Variants in DNAJC5B observed in about 807,000 individuals in gnomAD.
DNAJC5B encodes DnaJ heat shock protein family (Hsp40) member C5 beta, also known as dnaJ homolog subfamily C member 5B.
A neutral mutation model predicts 24.7 loss-of-function variants in DNAJC5B; 23 were observed. That is an observed-to-expected ratio of 0.93 (90% confidence interval 0.67 to 1.32). The LOEUF is 1.32. Ranked by LOEUF, DNAJC5B falls within the 40% of genes most tolerant of loss-of-function variation. The pLI, the probability that DNAJC5B is intolerant of heterozygous loss-of-function variation, is 0.00. For missense variants in DNAJC5B, 238 were observed against 240.8 expected, an observed-to-expected ratio of 0.99 and a Z score of 0.08; for synonymous variants, 101 against 90.1, an observed-to-expected ratio of 1.12 and a Z score of -0.68.
intron 5 of DNAJC5B, among the ~76,000 whole-genome samples, chr8:66,086,863 T>C (rs1317281535): frequency 1.3e-5 from 2 of 152,202 alleles, no homozygotes; most frequent in Non-Finnish European, 2.9e-5. Flanking sequence ...CTCCCCATCT[T>C]TTATCCAGAA....
At position 66,100,020 on chromosome 8, in the gene DNAJC5B, A is replaced by G. The variant is rs558068876; in HGVS notation, c.589A>G (p.Thr197Ala). Residue 197 changes from threonine to alanine, a missense_variant, in exon 6 of 6, where the codon ACA becomes GCA. Physicochemically the swap from Thr to Ala is moderately conservative, Grantham distance 58. Coordinates refer to ENST00000276570, the MANE Select transcript of DNAJC5B (RefSeq NM_033105.6). The part of the protein sequence containing the change: ...LIKEGSRSYC[T>A]DS ...CAAAGAAGGATCTCGAAGTTATTGCACAGACTCTTGATATTGAGCCCTCAG... is the reference window on the plus strand; with the variant it reads ...CAAAGAAGGATCTCGAAGTTATTGCGCAGACTCTTGATATTGAGCCCTCAG... 1.2e-5 allele frequency: 19 copies of G among 1,613,930 alleles called. 1 individual carries two copies. In the South Asian group the frequency reaches 2.0e-4, roughly 17 times the overall value.
intron 2 of DNAJC5B, among the ~76,000 whole-genome samples, chr8:66,048,029 C>T (rs1806760653): frequency 1.3e-5 from 2 of 152,170 alleles, no homozygotes; most frequent in Non-Finnish European, 2.9e-5. Context: ...CCATTATCTC[C>T]ATTAGCATTA....
intron 3 of DNAJC5B, among the ~76,000 whole-genome samples, chr8:66,072,688 T>C (rs995214695): frequency 1.3e-5 from 2 of 152,098 alleles, no homozygotes; most frequent in African/African-American, 4.8e-5. Context: ...TTATAAAATA[T>C]CTATAATTCA....
chr8:66,098,554 G>A (rs1311345890), intron 5 of DNAJC5B, among the ~76,000 whole-genome samples: 1 of 151,972 alleles, frequency 6.6e-6, no homozygotes, highest in African/African-American at 2.4e-5. Context: ...ATCAATTCTA[G>A]AATAGGCTCA....
At chr8:66,051,509 A>G (rs1806843097) in intron 2 of DNAJC5B, 22 bp from the exon 3 acceptor site, 3 of 1,444,494 alleles carry the variant, frequency 2.1e-6, no homozygotes, top group South Asian at 2.3e-5. Context: ...CATAACCTTC[A>G]TGGCTATTTT....
At chr8:66,048,088 C>T (rs912886298) in intron 2 of DNAJC5B, among the ~76,000 whole-genome samples, 1 of 152,236 alleles carries the variant, frequency 6.6e-6, no homozygotes, top group Admixed American at 6.5e-5. Flanking sequence ...GTTTTCTTAA[C>T]TCCAGCTAAA....
upstream of DNAJC5B, chr8:66,021,443 G>A (rs988607376): frequency 1.3e-5 from 2 of 152,286 alleles, no homozygotes; most frequent in African/African-American, 4.8e-5. Context: ...GAGAGGAAGT[G>A]TTGTCCAAGA....
chr8:66,036,950 T>C (rs1806499413), intron 1 of DNAJC5B, among the ~76,000 whole-genome samples: 2 of 152,160 alleles, frequency 1.3e-5, no homozygotes, highest in African/African-American at 4.8e-5. Context: ...ATTGTCCAGC[T>C]CTGGTCGGTT....
At chr8:66,061,734 A>G (rs1807086773) in intron 3 of DNAJC5B, among the ~76,000 whole-genome samples, 1 of 152,158 alleles carries the variant, frequency 6.6e-6, no homozygotes, top group Admixed American at 6.5e-5. Flanking sequence ...GCTGATGTTT[A>G]TAATATGCTG....
chr8:66,052,235 G>C (rs1014310033), intron 3 of DNAJC5B, among the ~76,000 whole-genome samples: 3 of 151,442 alleles, frequency 2.0e-5, no homozygotes, highest in Non-Finnish European at 4.4e-5. Context: ...TGGGATTACA[G>C]GCATGAGCAA....
intron 3 of DNAJC5B, among the ~76,000 whole-genome samples, chr8:66,072,936 G>A (rs1423968907): frequency 6.6e-6 from 1 of 152,078 alleles, no homozygotes; most frequent in East Asian, 1.9e-4. Flanking sequence ...ATAACATTTG[G>A]TAAAATTCAG....
intron 1 of DNAJC5B, among the ~76,000 whole-genome samples, chr8:66,033,100 G>T (rs1219001505): frequency 6.6e-6 from 1 of 152,258 alleles, no homozygotes; most frequent in Admixed American, 6.5e-5. Context: ...CCAGTCCAGT[G>T]CTTCTGGTGT....
intron 3 of DNAJC5B, among the ~76,000 whole-genome samples, chr8:66,066,175 T>G (rs991750280): frequency 1.3e-5 from 2 of 152,086 alleles, no homozygotes; most frequent in South Asian, 2.1e-4. Flanking sequence ...AAAACCACAA[T>G]GAGGTATCGC....
chr8:66,069,071 T>C (rs557311613), intron 3 of DNAJC5B, among the ~76,000 whole-genome samples: 27 of 150,258 alleles, frequency 1.8e-4, no homozygotes, highest in Non-Finnish European at 4.4e-5. Context: ...AGAAGAATGA[T>C]AAAAGAATAT....
chr8:66,039,604 C>G (rs1031905591), intron 1 of DNAJC5B, among the ~76,000 whole-genome samples: 19 of 152,300 alleles, frequency 1.2e-4, no homozygotes, highest in African/African-American at 4.3e-4. Flanking sequence ...CCAGCTTCAG[C>G]CTCCCAAAGT....
At chr8:66,078,482 A>G (rs1364733632) in intron 4 of DNAJC5B, among the ~76,000 whole-genome samples, 3 of 152,210 alleles carry the variant, frequency 2.0e-5, no homozygotes, top group African/African-American at 7.2e-5. Flanking sequence ...AAGCAAGTCT[A>G]TTTCCACAGA....
chr8:66,020,924 C>A (rs1431196369), upstream of DNAJC5B, among the ~76,000 whole-genome samples: 1 of 152,172 alleles, frequency 6.6e-6, no homozygotes, highest in Admixed American at 6.5e-5. Context: ...AGGCATGAGC[C>A]ATCTCGCCCT....
chr8:66,056,561 C>G (rs1806967054), intron 3 of DNAJC5B: 1 of 152,108 alleles, frequency 6.6e-6, no homozygotes, highest in Non-Finnish European at 1.5e-5. Flanking sequence ...ACCAAACAAA[C>G]CAAAGAAGCA....
intron 3 of DNAJC5B, among the ~76,000 whole-genome samples, chr8:66,062,605 C>T (rs373455227): frequency 5.1e-4 from 78 of 152,274 alleles, no homozygotes; most frequent in African/African-American, 1.8e-3. Context: ...AAGAGCCTAA[C>T]AAAATGCTGG....
Sources: allele counts gnomAD v4.1 joint callset (sites outside exome capture counted in the v4.1 genomes callset), GRCh38; gene constraint gnomAD v4.1.1; transcripts MANE v1.5; gene names NCBI Gene and HGNC (gene_info 2026-07-23, HGNC 2026-07-21).